The following RESF1 variants were observed in gnomAD, a reference collection of about 807,000 sequenced individuals.
RESF1 encodes gonad expressed transcript.
Under a neutral mutation model 134.7 loss-of-function variants are expected in RESF1, and 65 were observed. The observed-to-expected ratio is 0.48, with a 90% confidence interval of 0.40 to 0.59. The LOEUF (loss-of-function observed/expected upper bound fraction) is 0.59. Ranked by LOEUF, RESF1 falls within the 20% of genes least tolerant of loss-of-function variation. The pLI is 0.00. For missense variants in RESF1, 2,274 were observed against 2,002.7 expected, an observed-to-expected ratio of 1.14 and a Z score of -2.59; for synonymous variants, 762 against 702.2, an observed-to-expected ratio of 1.09 and a Z score of -1.35.
chr12:31,965,680 G>A (rs1266953185), intron 2 of RESF1, among the ~76,000 whole-genome samples: 2 of 152,054 alleles, frequency 1.3e-5, no homozygotes, highest in African/African-American at 2.4e-5. Flanking sequence ...TAATAGGAGC[G>A]ATGAAGAAGC....
At chr12:31,985,990 T>C (rs7302975) in intron 4 of RESF1, 33 bp downstream of exon 4, 1,113,037 of 1,408,164 alleles carry the variant, frequency 0.79, 440,150 homozygotes, top group East Asian at 0.86. Context: ...GTGTCTACAA[T>C]ATTGTAAAGA....
chr12:31,989,590 G>T (rs562846971), intron 5 of RESF1, among the ~76,000 whole-genome samples: 1 of 150,516 alleles, frequency 6.6e-6, no homozygotes, highest in East Asian at 2.0e-4. Flanking sequence ...GGTGGCTCAC[G>T]CCTGTAATAC....
intron 5 of RESF1, 132 bp downstream of exon 5, chr12:31,987,454 T>C: frequency 1.7e-6 from 1 of 595,162 alleles, no homozygotes; most frequent in Non-Finnish European, 3.0e-6. Flanking sequence ...CATTCAGTGT[T>C]TGTGTTTGAG....
At position 31,983,238 on chromosome 12, in the gene RESF1, T is replaced by C. The variant is rs1343632493; in HGVS notation, c.2283T>C (p.Ala761=). 4 of 1,611,404 alleles carry C rather than the reference T, an allele frequency of 2.5e-6. No homozygotes were observed. The highest frequency in any genetic ancestry group is 3.4e-6 in the Non-Finnish European group (4 of 1,178,720). Residue 761 remains alanine, a synonymous_variant, in exon 4 of 6, where the codon GCT becomes GCC. Coordinates refer to ENST00000312561, the MANE Select transcript of RESF1 (RefSeq NM_018169.4). ...NITKGTELQI[A]VVSPLVLSEV... ...CAAAGGGAACAGAACTTCAGATAGC[T>C]GTAGTGTCACCGTTAGTTCTGTCAG...
chr12:31,966,169 CA>C (rs931636887), intron 2 of RESF1, among the ~76,000 whole-genome samples: 142 of 149,514 alleles, frequency 9.5e-4, no homozygotes, highest in South Asian at 5.7e-3. Flanking sequence ...AAAAAAATTG[CA>C]AAAAAAAAAT....
chr12:31,987,137 G>C (rs894274023), intron 4 of RESF1, 102 bp from the exon 5 acceptor site: 64 of 664,898 alleles, frequency 9.6e-5, no homozygotes, highest in Non-Finnish European at 1.5e-4. Flanking sequence ...TATATCTAGG[G>C]CCTTTCAAAA....
Position 31,985,644 on chromosome 12 carries a change from C to A in RESF1, c.4689C>A (p.Asn1563Lys). The A allele has an allele frequency of 6.2e-7, 1 of 1,612,328 alleles. No individual in the cohort carries two copies. The highest frequency in any genetic ancestry group is 1.7e-5 in the Admixed American group (1 of 59,604). ...TKLDKLTNISNEAQFSQMPPQ... is the reference protein window; with the variant it reads ...TKLDKLTNISKEAQFSQMPPQ... ...TAGACAAATTAACCAATATAAGCAA[C>A]GAAGCTCAATTCAGCCAAATGCCTC... Residue 1563 changes from asparagine to lysine, a missense_variant, in exon 4 of 6, where the codon AAC becomes AAA. By Grantham distance (94) the Asn-to-Lys change is moderately conservative (BLOSUM62 0). Transcript: ENST00000312561.
In RESF1 at chr12:31,985,726, G is replaced by A. The variant is rs755537549; in HGVS notation, c.4771G>A (p.Glu1591Lys). ...YLNRVGFKCT[E>K]RESISLTKLE... ...GAATAGAGTTGGGTTTAAATGCACT[G>A]AACGTGAAAGCATTTCTCTCACCAA... Residue 1591 changes from glutamate to lysine, a missense_variant, in exon 4 of 6, where the codon GAA becomes AAA. Glu to Lys is a moderately conservative substitution (Grantham distance 56, BLOSUM62 1). Transcript: ENST00000312561. 6.3e-7 allele frequency: 1 copy of A among 1,594,526 alleles called. No homozygotes were observed. Among genetic ancestry groups the A allele is most frequent in the Non-Finnish European group, 8.5e-7 (1 of 1,174,740 alleles).
chr12:31,986,009 T>C, intron 4 of RESF1, 52 bp downstream of exon 4: 1 of 1,274,508 alleles, frequency 7.8e-7, no homozygotes, highest in Non-Finnish European at 1.0e-6. Context: ...GAGTCGTAGG[T>C]CAATATTTGG....
intron 3 of RESF1, among the ~76,000 whole-genome samples, chr12:31,979,039 G>A (rs2120832804): frequency 6.6e-6 from 1 of 150,994 alleles, no homozygotes; most frequent in East Asian, 2.0e-4. Flanking sequence ...TCCTGCCTCA[G>A]CCTTCTGAGT....
chr12:31,975,426 T>A (rs2120813400), intron 3 of RESF1, among the ~76,000 whole-genome samples: 1 of 152,356 alleles, frequency 6.6e-6, no homozygotes, highest in East Asian at 1.9e-4. Context: ...CATTAGAGTT[T>A]ACTCTGTATC....
At chr12:31,980,001 TA>T (rs1460849040) in intron 3 of RESF1, among the ~76,000 whole-genome samples, 2 of 152,094 alleles carry the variant, frequency 1.3e-5, no homozygotes, top group Non-Finnish European at 2.9e-5. Context: ...GCCCCCACTT[TA>T]AGTCACCTTA....
chr12:31,992,692 C>A lies in RESF1; in HGVS notation c.*157C>A. ...CATTGAAAGTGCTTAATTAAAATGG[C>A]TTGAGAACTTTGGGTAGCCATGTGT... On this transcript the variant is annotated 3_prime_UTR_variant, in exon 6 of 6. Transcript: ENST00000312561. The A allele has an allele frequency of 1.3e-6, 1 of 748,286 alleles. No homozygotes were observed. Among genetic ancestry groups the A allele is most frequent in the Non-Finnish European group, 2.2e-6 (1 of 448,864 alleles). The allele number at this position is 748,286 out of a possible 1,614,324, so 46.4% of individuals were successfully genotyped here.
At chr12:31,966,385 G>C (rs752358448) in intron 2 of RESF1, among the ~76,000 whole-genome samples, 29 of 152,166 alleles carry the variant, frequency 1.9e-4, no homozygotes, top group Non-Finnish European at 3.7e-4. Flanking sequence ...GTTCTCTGTT[G>C]TCTTTAATTC....
intron 2 of RESF1, among the ~76,000 whole-genome samples, chr12:31,963,595 C>T (rs1019537754): frequency 3.3e-5 from 5 of 152,168 alleles, no homozygotes; most frequent in African/African-American, 1.2e-4. Flanking sequence ...TTTATTCACT[C>T]ATTTACACCC....
At chr12:31,988,998 A>G (rs921777533) in intron 5 of RESF1, among the ~76,000 whole-genome samples, 4 of 151,772 alleles carry the variant, frequency 2.6e-5, no homozygotes, top group African/African-American at 9.7e-5. Flanking sequence ...CCACCCGAAT[A>G]TATGATTTAA....
In RESF1 at chr12:31,984,092, C is replaced by T; in HGVS notation, c.3137C>T (p.Ala1046Val). 6.2e-7 allele frequency: 1 copy of T among 1,614,052 alleles called. No homozygotes were observed. The highest frequency in any genetic ancestry group is 8.5e-7 in the Non-Finnish European group (1 of 1,179,990). ...PARNEIHSDK[A>V]PVLYLHDQLS... ...AGAAATGAAATCCACAGTGATAAGG[C>T]ACCTGTCTTATACCTACATGACCAG... Residue 1046 changes from alanine (A) to valine (V), a missense_variant, in exon 4 of 6, where the codon GCA (alanine) becomes GTA (valine). By Grantham distance (64) the Ala-to-Val change is moderately conservative. Coordinates refer to ENST00000312561, the MANE Select transcript of RESF1 (RefSeq NM_018169.4).
intron 2 of RESF1, among the ~76,000 whole-genome samples, chr12:31,963,273 G>C (rs1203629439): frequency 6.6e-6 from 1 of 151,460 alleles, no homozygotes; most frequent in Non-Finnish European, 1.5e-5. Context: ...TTGAACCCAG[G>C]AGGGGAGGTT....
intron 4 of RESF1, 104 bp downstream of exon 4, chr12:31,986,061 T>G: frequency 1.6e-6 from 1 of 634,878 alleles, no homozygotes; most frequent in Non-Finnish European, 2.4e-6. Context: ...GGGAAAGACT[T>G]TAATGTGTTA....
Sources: gnomAD v4.1 joint callset for allele counts (sites outside exome capture counted in the v4.1 genomes callset) on GRCh38, gnomAD v4.1.1 for gene constraint, MANE v1.5 for transcripts, NCBI Gene and HGNC (gene_info 2026-07-23, HGNC 2026-07-21) for gene names.